Variants in MEF2C observed in about 807,000 individuals in gnomAD.
The protein encoded by MEF2C is myocyte-specific enhancer factor 2C.
Under a neutral mutation model 50.5 loss-of-function variants are expected in MEF2C, and 6 were observed. The ratio of observed to expected loss-of-function variants is 0.12; its 90% CI spans 0.07 to 0.23. MEF2C has a LOEUF of 0.23. Among genes scored for constraint, MEF2C ranks in the 10% least tolerant of loss-of-function variants. The probability of loss-of-function intolerance (pLI) is 1.00; values close to 1 mark genes in which losing one functional copy is unlikely to be tolerated. For synonymous variants in MEF2C, 183 were observed against 228.0 expected (o/e 0.80, Z 1.78); for missense variants, 276 against 605.0 (o/e 0.46, Z 5.70).
At chr5:88,766,240 G>T (rs547821120) in intron 3 of MEF2C, among the ~76,000 whole-genome samples, 1 of 152,064 alleles carries the variant, frequency 6.6e-6, no homozygotes, top group African/African-American at 2.4e-5. Context: ...TTCATTAGGG[G>T]AACAGATTCT....
At chr5:88,839,692 GTTCACAT>G (rs1349739655) in intron 1 of MEF2C, 4 of 152,086 alleles carry the variant, frequency 2.6e-5, no homozygotes, top group African/African-American at 9.7e-5. Flanking sequence ...CAAGTAACTA[GTTCACAT>G]ACCAAATTAT....
At chr5:88,852,411 A>G (rs1367629449) in intron 1 of MEF2C, among the ~76,000 whole-genome samples, 1 of 152,242 alleles carries the variant, frequency 6.6e-6, no homozygotes, top group Admixed American at 6.5e-5. Flanking sequence ...AAGACCATTC[A>G]GAGTAGTGGT....
At chr5:88,743,375 C>T in intron 6 of MEF2C, 1 of 985,312 alleles carries the variant, frequency 1.0e-6, no homozygotes, top group Non-Finnish European at 1.2e-6. Flanking sequence ...ATAAGAAAGT[C>T]AGCCAAGAAA....
intron 1 of MEF2C, among the ~76,000 whole-genome samples, chr5:88,847,576 C>T (rs1441214460): frequency 6.6e-6 from 1 of 152,090 alleles, no homozygotes; most frequent in Non-Finnish European, 1.5e-5. Flanking sequence ...CATCAGCTGA[C>T]CTGGACAATA....
In MEF2C at chr5:88,824,095, C is replaced by A. The variant is rs952392441; in HGVS notation, c.-142-165G>T. Reference sequence around the variant, plus strand: ...ATATATGGTATATCACAGACAGGAGCAGATCAAGTAGTTTTATTTTTTAAC... The same window carrying A: ...ATATATGGTATATCACAGACAGGAGAAGATCAAGTAGTTTTATTTTTTAAC... On this transcript the variant is annotated intron_variant, in intron 1 of 10. Transcript: ENST00000504921. 3.5e-6 allele frequency: 3 copies of A among 864,658 alleles called. No homozygotes were observed. In the African/African-American group the frequency reaches 5.4e-5, roughly 15 times the overall value. 53.6% of individuals were successfully genotyped at this position (864,658 alleles called of 1,614,324 possible). A position where few individuals can be genotyped will look rare whatever the true frequency, so the allele number is the denominator to read the frequency against.
rs1755465645 is a variant in MEF2C, at chr5:88,719,198, T to A, written c.*3406A>T. The stretch of plus-strand genomic sequence containing the variant: ...GGCAGACATTCTTTTAAAAAGTGTC[T>A]TGGAATTTTGTTTTTTCATTCTCAC... On this transcript the variant is annotated 3_prime_UTR_variant, in exon 11 of 11. Transcript: ENST00000504921. The A allele has an allele frequency of 6.6e-6, 1 of 152,214 alleles. No homozygotes were observed. Among genetic ancestry groups the A allele is most frequent in the Admixed American group, 6.5e-5 (1 of 15,280 alleles). The allele number at this position is 152,214 out of a possible 1,614,324, so 9.4% of individuals were successfully genotyped here. A position where few individuals can be genotyped will look rare whatever the true frequency, so the allele number is the denominator to read the frequency against.
chr5:88,894,857 A>G (rs304140), intron 1 of MEF2C, among the ~76,000 whole-genome samples: 2,842 of 152,326 alleles, frequency 0.019, 86 homozygotes, highest in African/African-American at 0.064. Context: ...TTCTTTTCAA[A>G]GAGTATAAAA....
intron 1 of MEF2C, among the ~76,000 whole-genome samples, chr5:88,890,787 T>C (rs1325631083): frequency 3.3e-5 from 5 of 152,256 alleles, no homozygotes. Flanking sequence ...ATCTTCCTGC[T>C]GAAAGAGACC....
At chr5:88,866,187 C>T (rs1561404347) in intron 1 of MEF2C, among the ~76,000 whole-genome samples, 1 of 152,198 alleles carries the variant, frequency 6.6e-6, no homozygotes, top group Non-Finnish European at 1.5e-5. Context: ...TGAGCCACCG[C>T]GCCCGGCCCA....
At chr5:88,869,346 T>A (rs1391187356) in intron 1 of MEF2C, among the ~76,000 whole-genome samples, 2 of 145,766 alleles carry the variant, frequency 1.4e-5, no homozygotes, top group Admixed American at 1.4e-4. Context: ...CAAATTGTCA[T>A]TCCTTAAAAT....
At chr5:88,741,536 A>G in intron 6 of MEF2C, 1 of 985,346 alleles carries the variant, frequency 1.0e-6, no homozygotes, top group Non-Finnish European at 1.2e-6. Context: ...TACGGTTTTC[A>G]CTGAGTTGCT....
rs1270212588 is a variant in MEF2C, at chr5:88,754,657, G to C, written c.403-2614C>G. On this transcript the variant is annotated intron_variant, in intron 4 of 10. Coordinates refer to ENST00000504921, the MANE Select transcript of MEF2C (RefSeq NM_002397.5). ...ACTGGCTCAAGCAGTGCCATCTCTT[G>C]CCTAGATAACTGCAGTCACGTCCTA... is the stretch of plus-strand genomic sequence containing the variant. Among the ~76,000 whole-genome samples the C allele has an allele frequency of 2.0e-5, 3 of 152,120 alleles. No homozygotes were observed. The East Asian group carries it at 5.8e-4, about 29-fold the overall frequency.
At chr5:88,790,905 C>A (rs1793459759) in intron 3 of MEF2C, among the ~76,000 whole-genome samples, 1 of 152,066 alleles carries the variant, frequency 6.6e-6, no homozygotes. Flanking sequence ...AAAACAAACC[C>A]CCCAAAACCA....
intron 1 of MEF2C, chr5:88,839,525 A>G (rs1040344976): frequency 3.3e-5 from 5 of 152,170 alleles, no homozygotes; most frequent in African/African-American, 1.2e-4. Context: ...GTAAGAACGA[A>G]TCTGTTGGCA....
At chr5:88,764,909 T>C (rs954328783) in intron 3 of MEF2C, among the ~76,000 whole-genome samples, 1 of 151,796 alleles carries the variant, frequency 6.6e-6, no homozygotes, top group Non-Finnish European at 1.5e-5. Context: ...TTTTCTTAGA[T>C]GTCAAATTTT....
chr5:88,734,569 T>TTTTTTTTG (rs1763195180), intron 6 of MEF2C: 1 of 398,188 alleles, frequency 2.5e-6, no homozygotes, highest in Non-Finnish European at 3.0e-6. Context: ...AAGTTTGTTT[T>TTTTTTTTG]TTTTTTTTTT....
rs368386718 is a variant in MEF2C at position 88,749,043 on chromosome 5, A to C, written c.637+27T>G. 4.2e-4 allele frequency: 651 copies of C among 1,561,484 alleles called. 3 individuals carry two copies. The highest frequency in any genetic ancestry group is 2.2e-3 in the Admixed American group (114 of 52,052). ...GTAGAAGAACTCAGAACAATGATACATACTGCAGTATGGAGTCTGGGCTTA... is the reference window on the plus strand; with the variant it reads ...GTAGAAGAACTCAGAACAATGATACCTACTGCAGTATGGAGTCTGGGCTTA... On this transcript the variant is annotated intron_variant, in intron 6 of 10. Coordinates refer to ENST00000504921, the MANE Select transcript of MEF2C (RefSeq NM_002397.5).
intron 1 of MEF2C, chr5:88,825,571 CAT>C (rs1400179616): frequency 1.8e-5 from 18 of 979,492 alleles, no homozygotes; most frequent in Non-Finnish European, 2.1e-5. Context: ...ATAGTTATAA[CAT>C]ATTGAAATCA....
chr5:88,880,275 A>C lies in MEF2C; in HGVS notation c.-143+2680T>G, dbSNP rs1832410463. 2.0e-5 allele frequency among the ~76,000 whole-genome samples: 3 copies of C among 152,148 alleles called. No individual in the cohort carries two copies. The South Asian group carries it at 6.2e-4, about 32-fold the overall frequency. ...GCTTTTGAAAAAAAAGTGTAACTTT[A>C]TTAATAATCTCTTAACAGTTCATCT... On this transcript the variant is annotated intron_variant, in intron 1 of 10. Transcript: ENST00000504921.
Sources: allele counts gnomAD v4.1 joint callset (sites outside exome capture counted in the v4.1 genomes callset), GRCh38; gene constraint gnomAD v4.1.1; transcripts MANE v1.5; gene names NCBI Gene and HGNC (gene_info 2026-07-23, HGNC 2026-07-21).